Variants in SLC15A5 observed in about 807,000 individuals in gnomAD.
SLC15A5 encodes the protein Peptide/histidine transporter ENSP00000340402.
In SLC15A5, 58 loss-of-function variants were observed where a neutral mutation model predicts 56.1. The ratio of observed to expected loss-of-function variants is 1.03; its 90% CI spans 0.84 to 1.29. The LOEUF (loss-of-function observed/expected upper bound fraction) is 1.29. Ranked by LOEUF, SLC15A5 falls within the 50% of genes most tolerant of loss-of-function variation. The probability of loss-of-function intolerance (pLI) is 0.00; values close to 1 mark genes in which losing one functional copy is unlikely to be tolerated. For synonymous variants in SLC15A5, 264 were observed against 250.5 expected, an observed-to-expected ratio of 1.05 and a Z score of -0.51; for missense variants, 681 against 672.1, an observed-to-expected ratio of 1.01 and a Z score of -0.15.
At chr12:16,194,557 C>G (rs542910696) in intron 7 of SLC15A5, 104 bp from the exon 8 acceptor site, 2 of 676,490 alleles carry the variant, frequency 3.0e-6, no homozygotes, top group East Asian at 6.2e-5. Context: ...TCAGTAATAT[C>G]CACAAAGCAA....
intron 7 of SLC15A5, among the ~76,000 whole-genome samples, chr12:16,206,762 G>A (rs1864023894): frequency 1.3e-5 from 2 of 152,182 alleles, no homozygotes; most frequent in Non-Finnish European, 2.9e-5. Context: ...CTTGGGAACT[G>A]TGGATAAAAA....
intron 6 of SLC15A5, among the ~76,000 whole-genome samples, chr12:16,218,964 T>C (rs1864159166): frequency 6.6e-6 from 1 of 152,178 alleles, no homozygotes; most frequent in South Asian, 2.1e-4. Context: ...CCTTCCTTAA[T>C]TTAAAATTTC....
chr12:16,240,979 AT>A (rs1864409007), intron 4 of SLC15A5, among the ~76,000 whole-genome samples: 1 of 151,666 alleles, frequency 6.6e-6, no homozygotes, highest in Non-Finnish European at 1.5e-5. Flanking sequence ...CGCCTGGCTA[AT>A]TTTTCTGTAT....
intron 7 of SLC15A5, among the ~76,000 whole-genome samples, chr12:16,199,304 C>CAAACA (rs1863927628): frequency 1.1e-5 from 1 of 91,362 alleles, no homozygotes; most frequent in African/African-American, 4.3e-5. Flanking sequence ...TAGACTGTCT[C>CAAACA]AAAAAAAAAA....
intron 3 of SLC15A5, among the ~76,000 whole-genome samples, chr12:16,251,081 T>A (rs376052265): frequency 2.0e-5 from 3 of 151,912 alleles, no homozygotes; most frequent in African/African-American, 7.2e-5. Context: ...AACAACCTAT[T>A]CTTAACAAAT....
In SLC15A5 at chr12:16,235,440, C is replaced by T. The variant is rs1864343861; in HGVS notation, c.1162+4241G>A. On this transcript the variant is annotated intron_variant, in intron 5 of 8. Transcript: ENST00000344941. The surrounding 1 kb of genome is among the most constrained non-coding windows in gnomAD (Gnocchi z 4.1). ...TATTTCTGAATGTAGAACAGGTAGT[C>T]ATTTACATAGAGATAAAATATGCAA... Among the ~76,000 whole-genome samples, 1 of 151,770 alleles carries T rather than the reference C, an allele frequency of 6.6e-6. No homozygotes were observed. The highest frequency in any genetic ancestry group is 2.4e-5 in the African/African-American group (1 of 41,340).
In SLC15A5 at chr12:16,189,768, T is replaced by G. The variant is rs1028480018; in HGVS notation, c.1640A>C (p.Asn547Thr). Reference protein sequence around the residue: ...HFNAQNIRGSNLEETLLLHEK... With the variant: ...HFNAQNIRGSTLEETLLLHEK... ...GTGGAGGAGAAGTGTTTCTTCAAGA[T>G]TACTTCCACGGATGTTCTGGGCATT... The change falls in exon 9 of 9, where the codon AAT becomes ACT. Residue 547 changes from asparagine to threonine, a missense_variant. By Grantham distance (65) the Asn-to-Thr change is moderately conservative. Coordinates refer to ENST00000344941, the MANE Select transcript of SLC15A5 (RefSeq NM_001170798.1). The G allele has an allele frequency of 3.9e-6, 6 of 1,529,548 alleles. No homozygotes were observed. The South Asian group carries it at 6.1e-5, about 15-fold the overall frequency. 94.7% of individuals were successfully genotyped at this position (1,529,548 alleles called of 1,614,324 possible). A position where few individuals can be genotyped will look rare whatever the true frequency, so the allele number is the denominator to read the frequency against.
At chr12:16,262,556 G>A (rs534285387) in intron 2 of SLC15A5, among the ~76,000 whole-genome samples, 8 of 152,110 alleles carry the variant, frequency 5.3e-5, no homozygotes, top group Non-Finnish European at 1.0e-4. Flanking sequence ...TAACTACATG[G>A]TGCTAAGCCA....
At chr12:16,232,326 A>G (rs756934957) in intron 5 of SLC15A5, among the ~76,000 whole-genome samples, 5 of 152,196 alleles carry the variant, frequency 3.3e-5, no homozygotes, top group African/African-American at 1.2e-4. Context: ...AAAATCAAAC[A>G]AACACATTTA....
Position 16,243,378 on chromosome 12 carries a change from T to G in SLC15A5, c.975+1202A>C, listed in dbSNP as rs953050027. Among the ~76,000 whole-genome samples, 1 of 151,924 alleles carries G rather than the reference T, an allele frequency of 6.6e-6. No individual in the cohort carries two copies. The highest frequency in any genetic ancestry group is 1.5e-5 in the Non-Finnish European group (1 of 67,982). On this transcript the variant is annotated intron_variant, in intron 4 of 8. Coordinates refer to ENST00000344941, the MANE Select transcript of SLC15A5 (RefSeq NM_001170798.1). This position sits in a 1 kb window ranked among gnomAD's most constrained non-coding sequence, Gnocchi z 4.4. ...GGCATGGCCACCACACCTGACTAATTTTGTATTTTTAGTAGAGACGGGGTT... is the reference window on the plus strand; with the variant it reads ...GGCATGGCCACCACACCTGACTAATGTTGTATTTTTAGTAGAGACGGGGTT...
chr12:16,244,394 A>G (rs1453584622), intron 4 of SLC15A5, among the ~76,000 whole-genome samples, 186 bp downstream of exon 4: 3 of 152,202 alleles, frequency 2.0e-5, no homozygotes, highest in African/African-American at 7.2e-5. Context: ...CTCCTCAGGT[A>G]TACCTCTGCC....
intron 7 of SLC15A5, among the ~76,000 whole-genome samples, chr12:16,207,623 C>T (rs1864033530): frequency 6.6e-6 from 1 of 151,898 alleles, no homozygotes; most frequent in South Asian, 2.1e-4. Context: ...CAACTGGGGC[C>T]TTCAACACCA....
intron 7 of SLC15A5, among the ~76,000 whole-genome samples, chr12:16,212,646 A>G (rs1864094863): frequency 6.6e-6 from 1 of 152,224 alleles, no homozygotes; most frequent in Non-Finnish European, 1.5e-5. Context: ...ATGTGTTGTC[A>G]TTAACTTGCA....
In SLC15A5 at chr12:16,219,901, C is replaced by T. The variant is rs191311588; in HGVS notation, c.1352-2877G>A. ...TGTACGTGAAAGCTGGTCTTCTTGC[C>T]AATGAGCGCTAAAAATGTGCCTCCA... On this transcript the variant is annotated intron_variant, in intron 6 of 8. Coordinates refer to ENST00000344941, the MANE Select transcript of SLC15A5 (RefSeq NM_001170798.1). Among the ~76,000 whole-genome samples the T allele has an allele frequency of 9.9e-4, 150 of 152,164 alleles. 5 individuals carry two copies. The East Asian group carries it at 0.026, about 26-fold the overall frequency.
chr12:16,227,633 A>G (rs1330260350), intron 5 of SLC15A5, among the ~76,000 whole-genome samples: 1 of 152,200 alleles, frequency 6.6e-6, no homozygotes, highest in African/African-American at 2.4e-5. Context: ...GAGACGTTCA[A>G]GTTATTTGGG....
chr12:16,254,599 T>C (rs1421840114), intron 3 of SLC15A5, among the ~76,000 whole-genome samples: 1 of 152,116 alleles, frequency 6.6e-6, no homozygotes, highest in Non-Finnish European at 1.5e-5. Context: ...CATTTGTTGT[T>C]GGATGCCTAG....
At chr12:16,221,797 A>C (rs1864190114) in intron 6 of SLC15A5, among the ~76,000 whole-genome samples, 1 of 152,112 alleles carries the variant, frequency 6.6e-6, no homozygotes, top group Non-Finnish European at 1.5e-5. Flanking sequence ...CCAGGAGAAC[A>C]AAGGGGATAG....
chr12:16,191,561 T>C (rs1863838425), intron 8 of SLC15A5, among the ~76,000 whole-genome samples: 1 of 152,182 alleles, frequency 6.6e-6, no homozygotes, highest in South Asian at 2.1e-4. Flanking sequence ...AAGTAATGTG[T>C]TTCAATAATG....
chr12:16,236,895 C>T (rs1244266055), intron 5 of SLC15A5, among the ~76,000 whole-genome samples: 5 of 152,226 alleles, frequency 3.3e-5, no homozygotes, highest in East Asian at 1.9e-4. Flanking sequence ...TACGTTTAGC[C>T]GCTAAGCAGA....
Sources: gnomAD v4.1 joint callset for allele counts (sites outside exome capture counted in the v4.1 genomes callset) on GRCh38, gnomAD v4.1.1 for gene constraint, Gnocchi (gnomAD v3.1) non-coding constraint, MANE v1.5 for transcripts, NCBI Gene and HGNC (gene_info 2026-07-23, HGNC 2026-07-21) for gene names.